Variants in CYP4V2 observed in about 807,000 individuals in gnomAD.
CYP4V2 encodes the protein cytochrome P450 4V2.
A neutral mutation model predicts 60.8 loss-of-function variants in CYP4V2; 55 were observed. The observed-to-expected ratio is 0.90, with a 90% CI of 0.73 to 1.13. The LOEUF (loss-of-function observed/expected upper bound fraction) is 1.13, where lower values mean the gene tolerates loss of function less well. CYP4V2 is among the 50% of genes most tolerant of loss of function. The probability of loss-of-function intolerance (pLI) is 0.00; values close to 1 mark genes in which losing one functional copy is unlikely to be tolerated. For missense variants in CYP4V2, 675 were observed against 662.9 expected (o/e 1.02, Z -0.20); for synonymous variants, 239 against 236.8 (o/e 1.01, Z -0.08).
At position 186,212,683 on chromosome 4, in the gene CYP4V2, G is replaced by T. The variant is rs772840667; in HGVS notation, c.*2042G>T. Reference sequence around the variant, plus strand: ...TCTGTTATGCTCCTGATAGCCAATAGCAGATAGAAGCTTGCAATCAAGAGG... The same window carrying T: ...TCTGTTATGCTCCTGATAGCCAATATCAGATAGAAGCTTGCAATCAAGAGG... On this transcript the variant is annotated 3_prime_UTR_variant, in exon 11 of 11. Coordinates refer to ENST00000378802, the MANE Select transcript of CYP4V2 (RefSeq NM_207352.4). The T allele has an allele frequency of 1.3e-5, 2 of 152,220 alleles. No individual in the cohort carries two copies. Among genetic ancestry groups the T allele is most frequent in the Non-Finnish European group, 2.9e-5 (2 of 68,048 alleles). 9.4% of individuals were successfully genotyped at this position (152,220 alleles called of 1,614,324 possible).
chr4:186,204,392 G>GC (rs1292318258), intron 7 of CYP4V2: 4 of 172,788 alleles, frequency 2.3e-5, no homozygotes, highest in African/African-American at 1.1e-4. Context: ...CGCTACGCTG[G>GC]CGTAAGAGGT....
intron 1 of CYP4V2, among the ~76,000 whole-genome samples, chr4:186,193,999 T>G (rs1736068330): frequency 6.6e-6 from 1 of 152,192 alleles, no homozygotes; most frequent in Admixed American, 6.5e-5. Flanking sequence ...GTCCCCTCTG[T>G]CAGACCAGAC....
At position 186,209,254 on chromosome 4, in the gene CYP4V2, G is replaced by T. The variant is rs1490621697; in HGVS notation, c.1387G>T (p.Gly463Cys). Residue 463 changes from glycine (G) to cysteine (C), a missense_variant, in exon 10 of 11, where the codon GGC (glycine) becomes TGC (cysteine). Coordinates refer to ENST00000378802, the MANE Select transcript of CYP4V2 (RefSeq NM_207352.4). The stretch of plus-strand genomic sequence containing the variant: ...ATATGCCTACGTGCCCTTCTCTGCT[G>T]GCCCCAGGAACTGTATAGGTTTGTA... ...HPYAYVPFSA[G>C]PRNCIGQKFA... is the part of the protein sequence containing the mutation. 6.2e-7 allele frequency: 1 copy of T among 1,613,758 alleles called. No homozygotes were observed. The highest frequency in any genetic ancestry group is 1.7e-5 in the Admixed American group (1 of 59,962).
rs2126582057 is a variant in CYP4V2 at position 186,194,527 on chromosome 4, C to G, written c.242C>G (p.Thr81Arg). 3.1e-6 allele frequency: 5 copies of G among 1,614,102 alleles called. No individual in the cohort carries two copies. Among genetic ancestry groups the G allele is most frequent in the Non-Finnish European group, 4.2e-6 (5 of 1,179,988 alleles). ...REFFQQIIEY[T>R]EEYRHMPLLK... Reference sequence around the variant, plus strand: ...TTTTTTCAGCAGATCATTGAGTACACAGAGGAATACCGCCACATGCCGCTG... The same window carrying G: ...TTTTTTCAGCAGATCATTGAGTACAGAGAGGAATACCGCCACATGCCGCTG... The change falls in exon 2 of 11, where the codon ACA becomes AGA. Residue 81 changes from threonine (T) to arginine (R), a missense_variant. By Grantham distance (71) the Thr-to-Arg change is moderately conservative. Transcript: ENST00000378802.
intron 8 of CYP4V2, among the ~76,000 whole-genome samples, chr4:186,208,170 T>G (rs1736585378): frequency 6.6e-6 from 1 of 151,556 alleles, no homozygotes; most frequent in African/African-American, 2.4e-5. Context: ...GATCCACATG[T>G]TCTTCTTTGA....
intron 10 of CYP4V2, among the ~76,000 whole-genome samples, 195 bp from the exon 11 acceptor site, chr4:186,210,274 C>G (rs1328282950): frequency 6.6e-6 from 1 of 152,170 alleles, no homozygotes. Flanking sequence ...TCCTCCCCAG[C>G]TATAGATGTG....
intron 8 of CYP4V2, among the ~76,000 whole-genome samples, chr4:186,206,193 C>T (rs557009274): frequency 1.8e-4 from 27 of 152,202 alleles, no homozygotes; most frequent in South Asian, 1.5e-3. Flanking sequence ...AGTGTGTGCA[C>T]GCACGTGCAT....
chr4:186,196,921 C>A lies in CYP4V2; in HGVS notation c.414-19C>A. The stretch of plus-strand genomic sequence containing the variant: ...CTCTCTGTAGATATATTTTTTGTAA[C>A]CACATATTTTATTTCTAGTACTGGA... On this transcript the variant is annotated intron_variant, in intron 3 of 10. Coordinates refer to ENST00000378802, the MANE Select transcript of CYP4V2 (RefSeq NM_207352.4). 6.2e-7 allele frequency: 1 copy of A among 1,609,002 alleles called. No individual in the cohort carries two copies. The highest frequency in any genetic ancestry group is 8.5e-7 in the Non-Finnish European group (1 of 1,177,942).
chr4:186,198,396 C>G (rs996075173), intron 5 of CYP4V2, among the ~76,000 whole-genome samples: 1 of 152,176 alleles, frequency 6.6e-6, no homozygotes, highest in Non-Finnish European at 1.5e-5. Context: ...AAGTGTCCTA[C>G]AGAGTGAGAG....
chr4:186,207,927 A>G (rs1260057873), intron 8 of CYP4V2, among the ~76,000 whole-genome samples: 6 of 152,162 alleles, frequency 3.9e-5, no homozygotes, highest in Non-Finnish European at 8.8e-5. Flanking sequence ...TACTTGGCAC[A>G]TTGTCCATTT....
rs1212002309 is a variant in CYP4V2, at chr4:186,211,852, A to G, written c.*1211A>G. 1 of 152,180 alleles carries G rather than the reference A, an allele frequency of 6.6e-6. No individual in the cohort carries two copies. Among genetic ancestry groups the G allele is most frequent in the African/African-American group, 2.4e-5 (1 of 41,438 alleles). The allele number at this position is 152,180 out of a possible 1,614,324, so 9.4% of individuals were successfully genotyped here. A position where few individuals can be genotyped will look rare whatever the true frequency, so the allele number is the denominator to read the frequency against. On this transcript the variant is annotated 3_prime_UTR_variant, in exon 11 of 11. Transcript: ENST00000378802. ...AGCAGATTATTTTAAGTTGATTAGT[A>G]GGTTCTGTTACAGTTTTTCTTTTGA...
chr4:186,205,059 GT>G, intron 7 of CYP4V2, 140 bp from the exon 8 acceptor site: 1 of 818,014 alleles, frequency 1.2e-6, no homozygotes, highest in South Asian at 1.4e-5. Context: ...CCGAGGCAAG[GT>G]GCTGCACAGA....
At chr4:186,202,838 T>TCATGCACATACACA (rs1736358236) in intron 7 of CYP4V2, 1 of 147,138 alleles carries the variant, frequency 6.8e-6, no homozygotes, top group Non-Finnish European at 1.5e-5. Context: ...ACCCAGATAC[T>TCATGCACATACACA]CATGCACATA....
chr4:186,208,581 A>G (rs111345422), intron 8 of CYP4V2, among the ~76,000 whole-genome samples: 1 of 116,148 alleles, frequency 8.6e-6, no homozygotes, highest in Non-Finnish European at 1.8e-5. Context: ...TCTTCTTTGA[A>G]GGGTATTTGA....
rs61745524 is a variant in CYP4V2 at position 186,197,538 on chromosome 4, G to A, written c.610G>A (p.Ala204Thr). The change falls in exon 5 of 11, where the codon GCT (alanine) becomes ACT (threonine). Residue 204 changes from alanine (A) to threonine (T), a missense_variant. Physicochemically the swap from Ala to Thr is moderately conservative, Grantham distance 58. Coordinates refer to ENST00000378802, the MANE Select transcript of CYP4V2 (RefSeq NM_207352.4). ...LCALDIICET[A>T]MGKNIGAQSN... ...TTCTCACCCATATTTTATAGAAACA[G>A]CTATGGGGAAGAATATTGGTGCTCA... 4.1e-3 allele frequency: 6,667 copies of A among 1,614,174 alleles called. 13 individuals are homozygous for A. Among genetic ancestry groups the A allele is most frequent in the Non-Finnish European group, 4.9e-3 (5,773 of 1,179,992 alleles).
In CYP4V2 at chr4:186,197,867, T is replaced by C. The variant is rs935623725; in HGVS notation, c.674+265T>C. ...CATAATGATGCTTACATTATGATGC[T>C]GAGAAAAGAAAGATATAAACAGTTT... On this transcript the variant is annotated intron_variant, in intron 5 of 10. Coordinates refer to ENST00000378802, the MANE Select transcript of CYP4V2 (RefSeq NM_207352.4). 3.4e-4 allele frequency among the ~76,000 whole-genome samples: 52 copies of C among 152,364 alleles called. 1 individual carries two copies. Among genetic ancestry groups the C allele is most frequent in the African/African-American group, 1.0e-3 (43 of 41,582 alleles).
chr4:186,206,299 G>A (rs1736503250), intron 8 of CYP4V2, among the ~76,000 whole-genome samples: 1 of 152,122 alleles, frequency 6.6e-6, no homozygotes, highest in South Asian at 2.1e-4. Context: ...GGCTCACCTG[G>A]ATAATCTACC....
At chr4:186,208,029 A>G (rs1024682675) in intron 8 of CYP4V2, among the ~76,000 whole-genome samples, 2 of 152,146 alleles carry the variant, frequency 1.3e-5, no homozygotes, top group Admixed American at 1.3e-4. Flanking sequence ...TTTGATGGGT[A>G]TTTAGCATCC....
intron 6 of CYP4V2, 26 bp from the exon 7 acceptor site, chr4:186,201,131 A>G (rs1736292052): frequency 1.2e-6 from 2 of 1,612,506 alleles, no homozygotes; most frequent in Non-Finnish European, 1.7e-6. Flanking sequence ...AAACAGAAGC[A>G]TGTGATTATC....
Sources: allele counts gnomAD v4.1 joint callset (sites outside exome capture counted in the v4.1 genomes callset), GRCh38; gene constraint gnomAD v4.1.1; transcripts MANE v1.5; gene names NCBI Gene and HGNC (gene_info 2026-07-23, HGNC 2026-07-21).